The following SPTLC2 variants were observed in gnomAD, a reference collection of about 807,000 sequenced individuals.
The protein encoded by SPTLC2 is serine palmitoyltransferase long chain base subunit 2, also known as serine palmitoyltransferase 2.
In SPTLC2, 21 loss-of-function variants were observed where a neutral mutation model predicts 62.0. The observed-to-expected ratio is 0.34, with a 90% CI of 0.24 to 0.49. The LOEUF is 0.49. Ranked by LOEUF, SPTLC2 falls within the 20% of genes least tolerant of loss-of-function variation. The pLI is 0.99. For missense variants in SPTLC2, 511 were observed against 713.0 expected, an observed-to-expected ratio of 0.72 and a Z score of 3.23; for synonymous variants, 261 against 261.8, an observed-to-expected ratio of 1.00 and a Z score of 0.03.
intron 5 of SPTLC2, among the ~76,000 whole-genome samples, chr14:77,564,259 GGAGGAGGAA>G (rs1318381287): frequency 2.7e-5 from 4 of 146,770 alleles, no homozygotes; most frequent in Admixed American, 6.9e-5. Context: ...AAAAGGAGGA[GGAGGAGGAA>G]GAGGAGGAAG....
At chr14:77,581,082 A>C (rs1367670050) in intron 2 of SPTLC2, among the ~76,000 whole-genome samples, 5 of 152,232 alleles carry the variant, frequency 3.3e-5, no homozygotes, top group Admixed American at 6.5e-5. Flanking sequence ...GTAAAGGGTA[A>C]ACCAAACAAC....
intron 9 of SPTLC2, among the ~76,000 whole-genome samples, chr14:77,525,348 T>C (rs572396365): frequency 5.5e-4 from 83 of 152,094 alleles, no homozygotes; most frequent in South Asian, 1.2e-3. Context: ...TCCCAGCACT[T>C]TGGGAGGCCC....
At chr14:77,615,578 A>G (rs1027922531) in intron 1 of SPTLC2, among the ~76,000 whole-genome samples, 2 of 152,238 alleles carry the variant, frequency 1.3e-5, no homozygotes, top group African/African-American at 4.8e-5. Flanking sequence ...CTTTTTAACC[A>G]GCTCATCTTT....
chr14:77,538,345 G>A (rs1053457325), intron 9 of SPTLC2, among the ~76,000 whole-genome samples: 1 of 152,114 alleles, frequency 6.6e-6, no homozygotes, highest in African/African-American at 2.4e-5. Flanking sequence ...CATCATAATG[G>A]GGATGGGATC....
intron 9 of SPTLC2, among the ~76,000 whole-genome samples, chr14:77,526,944 G>A (rs529080255): frequency 2.0e-5 from 3 of 151,816 alleles, no homozygotes; most frequent in Non-Finnish European, 4.4e-5. Context: ...GCAGCAACCC[G>A]CCACAACACC....
intron 2 of SPTLC2, among the ~76,000 whole-genome samples, chr14:77,585,943 A>G (rs78464059): frequency 0.014 from 2,189 of 152,318 alleles, 45 homozygotes; most frequent in African/African-American, 0.047. Context: ...ATATAAAACT[A>G]TAAGACTCAG....
At chr14:77,527,251 C>A (rs2079413933) in intron 9 of SPTLC2, among the ~76,000 whole-genome samples, 1 of 152,050 alleles carries the variant, frequency 6.6e-6, no homozygotes, top group Non-Finnish European at 1.5e-5. Flanking sequence ...CAAGTGCCAC[C>A]ATGCCTGGCT....
chr14:77,594,318 C>A (rs1047210464), intron 2 of SPTLC2, among the ~76,000 whole-genome samples: 1 of 152,218 alleles, frequency 6.6e-6, no homozygotes, highest in Non-Finnish European at 1.5e-5. Flanking sequence ...CAGCTCCCAA[C>A]ACTTAAACCA....
At chr14:77,604,265 G>A (rs12431511) in intron 1 of SPTLC2, among the ~76,000 whole-genome samples, 4,099 of 152,190 alleles carry the variant, frequency 0.027, 86 homozygotes, top group South Asian at 0.078. Context: ...AAGGGCAGTG[G>A]GTCTCCAATG....
intron 1 of SPTLC2, among the ~76,000 whole-genome samples, chr14:77,597,782 A>G (rs1566791464): frequency 1.3e-5 from 2 of 151,632 alleles, no homozygotes; most frequent in South Asian, 4.2e-4. Flanking sequence ...TCAAAAAAAA[A>G]AAGGAATTTT....
At chr14:77,551,975 C>G in intron 9 of SPTLC2, 121 bp downstream of exon 9, 2 of 1,451,438 alleles carry the variant, frequency 1.4e-6, no homozygotes, top group South Asian at 2.4e-5. Context: ...GGAAACCACA[C>G]ACCAGCCAGC....
At chr14:77,596,337 CA>C (rs147299483) in intron 2 of SPTLC2, among the ~76,000 whole-genome samples, 532 of 125,740 alleles carry the variant, frequency 4.2e-3, no homozygotes, top group Middle Eastern at 8.8e-3. Flanking sequence ...AGACTTGTCT[CA>C]AAAAAAAAAA....
intron 2 of SPTLC2, among the ~76,000 whole-genome samples, chr14:77,591,350 G>C (rs1025413223): frequency 2.0e-5 from 3 of 152,166 alleles, no homozygotes; most frequent in African/African-American, 7.2e-5. Context: ...AGGAGTGACT[G>C]CTAATGGTTC....
chr14:77,609,199 G>A (rs1384853836), intron 1 of SPTLC2, among the ~76,000 whole-genome samples: 2 of 152,038 alleles, frequency 1.3e-5, no homozygotes, highest in Admixed American at 6.6e-5. Flanking sequence ...CTGTCCTGGG[G>A]AAATGCTATA....
intron 1 of SPTLC2, among the ~76,000 whole-genome samples, chr14:77,597,848 G>A (rs1703580400): frequency 6.6e-6 from 1 of 151,382 alleles, no homozygotes; most frequent in African/African-American, 2.4e-5. Flanking sequence ...TTTAGGCCAG[G>A]CACGGTGGCT....
At chr14:77,591,260 T>C (rs2079814817) in intron 2 of SPTLC2, among the ~76,000 whole-genome samples, 1 of 152,204 alleles carries the variant, frequency 6.6e-6, no homozygotes, top group Non-Finnish European at 1.5e-5. Context: ...CATCCATTTA[T>C]ATGAAAAGTC....
At chr14:77,614,412 C>A (rs1416020702) in intron 1 of SPTLC2, among the ~76,000 whole-genome samples, 2 of 152,166 alleles carry the variant, frequency 1.3e-5, no homozygotes, top group Non-Finnish European at 1.5e-5. Flanking sequence ...CACCCGTAAT[C>A]CCAGCACTCT....
At chr14:77,600,281 G>T (rs2079870096) in intron 1 of SPTLC2, among the ~76,000 whole-genome samples, 1 of 152,166 alleles carries the variant, frequency 6.6e-6, no homozygotes, top group Admixed American at 6.5e-5. Context: ...AGTGGCTGGG[G>T]TTTCTTTTTT....
intron 2 of SPTLC2, among the ~76,000 whole-genome samples, chr14:77,585,232 G>A (rs1251994505): frequency 2.0e-5 from 3 of 152,170 alleles, no homozygotes; most frequent in South Asian, 2.1e-4. Context: ...TTTCAACAAC[G>A]TGGTCATTAT....
Sources: allele counts gnomAD v4.1 joint callset (sites outside exome capture counted in the v4.1 genomes callset), GRCh38; gene constraint gnomAD v4.1.1; transcripts MANE v1.5; gene names NCBI Gene and HGNC (gene_info 2026-07-23, HGNC 2026-07-21).